Variants in ZNF280C observed in about 807,000 individuals in gnomAD.
The protein encoded by ZNF280C is suppressor of hairy wing homolog 3.
ZNF280C carries 14 observed loss-of-function variants against 53.6 expected under a neutral mutation model. The ratio of observed to expected loss-of-function variants is 0.26; its 90% CI spans 0.17 to 0.41. The LOEUF is 0.41. ZNF280C is among the 10% of genes least tolerant of loss of function. The probability of loss-of-function intolerance (pLI) is 1.00; values close to 1 mark genes in which losing one functional copy is unlikely to be tolerated. For synonymous variants in ZNF280C, 203 were observed against 181.1 expected (o/e 1.12, Z -0.97); for missense variants, 416 against 547.1 (o/e 0.76, Z 2.39).
chrX:130,228,808 A>G (rs766536031), intron 10 of ZNF280C, among the ~76,000 whole-genome samples, 169 bp downstream of exon 10: 6 of 108,667 alleles, frequency 5.5e-5, no homozygotes, highest in Non-Finnish European at 7.6e-5. Context: ...ACCTGGCTTT[A>G]GAACACATTT....
rs148547831 is a variant in ZNF280C at position 130,229,035 on chromosome X, G to A, written c.1089C>T (p.Pro363=). The part of the protein sequence containing the change: ...TTCQHCYRQY[P]TPFQLQCHIE... ...TGTGGCACTGCAGTTGGAAGGGTGTGGGATATTGCCGGTAACAGTGCTGGC... is the reference window on the plus strand; with the variant it reads ...TGTGGCACTGCAGTTGGAAGGGTGTAGGATATTGCCGGTAACAGTGCTGGC... Residue 363 remains proline (P), a synonymous_variant, in exon 10 of 19, where the codon CCC becomes CCT. Transcript: ENST00000370978. The A allele has an allele frequency of 6.0e-5, 73 of 1,207,028 alleles. No homozygotes were observed. Among genetic ancestry groups the A allele is most frequent in the Non-Finnish European group, 6.8e-5 (61 of 893,738 alleles).
At chrX:130,220,294 T>A (rs2032150581) in intron 13 of ZNF280C, 55 bp downstream of exon 13, 4 of 1,042,420 alleles carry the variant, frequency 3.8e-6, no homozygotes, top group Non-Finnish European at 5.0e-6. Context: ...AAAAAAAACA[T>A]AAAAAAATTA....
intron 13 of ZNF280C, among the ~76,000 whole-genome samples, chrX:130,217,797 A>G (rs753188866): frequency 1.8e-5 from 2 of 112,701 alleles, no homozygotes; most frequent in Non-Finnish European, 3.7e-5. Context: ...TTGTATGTTA[A>G]CAGATATTAA....
chrX:130,209,068 T>C (rs1399695775), intron 16 of ZNF280C, among the ~76,000 whole-genome samples: 2 of 112,227 alleles, frequency 1.8e-5, no homozygotes, highest in Non-Finnish European at 3.8e-5. Context: ...ATCCACATAA[T>C]TCATTTTCAA....
chrX:130,248,426 G>C (rs1435924902), intron 2 of ZNF280C, among the ~76,000 whole-genome samples: 2 of 110,697 alleles, frequency 1.8e-5, no homozygotes, highest in Non-Finnish European at 3.8e-5. Flanking sequence ...AGTTGGCAGG[G>C]AGAGCTGCTT....
At chrX:130,243,465 G>A (rs1031255225) in intron 5 of ZNF280C, 98 bp downstream of exon 5, 5 of 967,170 alleles carry the variant, frequency 5.2e-6, no homozygotes, top group East Asian at 3.2e-5. Context: ...GATTACAGGC[G>A]TGAGCCACTG....
intron 9 of ZNF280C, among the ~76,000 whole-genome samples, chrX:130,229,472 T>C (rs1046557947): frequency 8.9e-6 from 1 of 111,944 alleles, no homozygotes; most frequent in African/African-American, 3.2e-5. Context: ...AAATACTATT[T>C]ACATTTTAAA....
At chrX:130,235,982 G>A (rs1319886557) in intron 8 of ZNF280C, among the ~76,000 whole-genome samples, 1 of 111,411 alleles carries the variant, frequency 9.0e-6, no homozygotes, top group Admixed American at 9.6e-5. Context: ...TTAACATAAT[G>A]GCTTCCAGTT....
Position 130,263,717 on chromosome X carries a change from C to T in ZNF280C, c.-16-3252G>A, listed in dbSNP as rs73558291. 5.1e-3 allele frequency among the ~76,000 whole-genome samples: 571 copies of T among 111,417 alleles called. 3 individuals carry two copies. The highest frequency in any genetic ancestry group is 0.018 in the African/African-American group (543 of 30,683). On this transcript the variant is annotated intron_variant, in intron 1 of 18. Transcript: ENST00000370978. Reference sequence around the variant, plus strand: ...AAATTGTATGCTATATGAATTGTATCTCAATAATGCCATTAAGAAAATAAT... The same window carrying T: ...AAATTGTATGCTATATGAATTGTATTTCAATAATGCCATTAAGAAAATAAT...
At chrX:130,259,298 G>C (rs1319950535) in intron 2 of ZNF280C, among the ~76,000 whole-genome samples, 1 of 111,897 alleles carries the variant, frequency 8.9e-6, no homozygotes, top group African/African-American at 3.2e-5. Flanking sequence ...ATTATCTATG[G>C]GGTAAGAAAC....
At chrX:130,249,852 G>C (rs1395871879) in intron 2 of ZNF280C, among the ~76,000 whole-genome samples, 2 of 111,678 alleles carry the variant, frequency 1.8e-5, no homozygotes, top group Non-Finnish European at 3.8e-5. Flanking sequence ...ATATGAACAG[G>C]AATAAAGGTC....
In ZNF280C at chrX:130,215,221, T is replaced by A. The variant is rs2124698461; in HGVS notation, c.1951A>T (p.Asn651Tyr). 1 of 1,204,661 alleles carries A rather than the reference T, an allele frequency of 8.3e-7. No homozygotes were observed. The highest frequency in any genetic ancestry group is 1.8e-5 in the South Asian group (1 of 55,679). ...CSFCKYNTNC[N>Y]KAFVNHMMSS... The stretch of plus-strand genomic sequence containing the variant: ...ATCATATGATTTACAAAGGCTTTGT[T>A]ACAGTTAGTATTGTACTTGCAAAAA... Residue 651 changes from asparagine to tyrosine, a missense_variant, in exon 15 of 19, where the codon AAC (asparagine) becomes TAC (tyrosine). Physicochemically the swap from Asn to Tyr is moderately radical, Grantham distance 143. This residue lies in a region of ZNF280C where 151 missense variants were observed against 176.9 expected (regional missense o/e 0.85). Transcript: ENST00000370978.
chrX:130,260,064 C>T (rs1267875752), intron 2 of ZNF280C, among the ~76,000 whole-genome samples: 2 of 111,163 alleles, frequency 1.8e-5, no homozygotes, highest in Admixed American at 9.6e-5. Flanking sequence ...GGGTGGATCA[C>T]GAAGTCAGGA....
chrX:130,215,815 A>G lies in ZNF280C; in HGVS notation c.1814T>C (p.Met605Thr), dbSNP rs1231943302. ...CCTTATGTTCTTCAAAGCAAGGCTC[A>G]TTTTATTTTTTCTGTTGCGCTGTCG... ...QKRQRNRKNK[M>T]SLALKNIRCR... Residue 605 changes from methionine (M) to threonine (T), a missense_variant, in exon 14 of 19, where the codon ATG becomes ACG. Coordinates refer to ENST00000370978, the MANE Select transcript of ZNF280C (RefSeq NM_017666.5). 3.3e-6 allele frequency: 4 copies of G among 1,204,718 alleles called. No homozygotes were observed. The African/African-American group carries it at 7.0e-5, about 21-fold the overall frequency.
intron 6 of ZNF280C, among the ~76,000 whole-genome samples, chrX:130,237,282 TAG>T (rs1482062651): frequency 9.0e-6 from 1 of 111,709 alleles, no homozygotes; most frequent in Non-Finnish European, 1.9e-5. Context: ...TGAAAAGGTT[TAG>T]AGTTAGTATA....
At chrX:130,225,432 G>A (rs1569434300) in intron 12 of ZNF280C, among the ~76,000 whole-genome samples, 1 of 111,100 alleles carries the variant, frequency 9.0e-6, no homozygotes, top group East Asian at 2.8e-4. Flanking sequence ...TACACACTAT[G>A]TCCCTTGCTT....
intron 8 of ZNF280C, 124 bp from the exon 9 acceptor site, chrX:130,230,851 G>T (rs2032269650): frequency 5.2e-6 from 2 of 388,283 alleles, no homozygotes; most frequent in South Asian, 1.7e-4. Context: ...TATCTAGAAA[G>T]ATACTGACCA....
chrX:130,217,336 AC>A (rs965513515), intron 13 of ZNF280C, among the ~76,000 whole-genome samples: 1 of 112,208 alleles, frequency 8.9e-6, no homozygotes, highest in Non-Finnish European at 1.9e-5. Context: ...AGCGAAAGAA[AC>A]CAGTCCCTAA....
rs994825306 is a variant in ZNF280C at position 130,258,520 on chromosome X, T to C, written c.31+1899A>G. Among the ~76,000 whole-genome samples, 44 of 112,085 alleles carry C rather than the reference T, an allele frequency of 3.9e-4. No homozygotes were observed. In the Admixed American group the frequency reaches 4.0e-3, roughly 10 times the overall value. On this transcript the variant is annotated intron_variant, in intron 2 of 18. Transcript: ENST00000370978. Reference sequence around the variant, plus strand: ...CATAACATTGTTTGATGTTCAGTAGTCTGCCTACCAAACAAAGAAACCCCC... The same window carrying C: ...CATAACATTGTTTGATGTTCAGTAGCCTGCCTACCAAACAAAGAAACCCCC...
Sources: gnomAD v4.1 joint callset for allele counts (sites outside exome capture counted in the v4.1 genomes callset) on GRCh38, gnomAD v4.1.1 for gene constraint, gnomAD v4.1.1 regional missense constraint, MANE v1.5 for transcripts, NCBI Gene and HGNC (gene_info 2026-07-23, HGNC 2026-07-21) for gene names.